Variants in GNG4 observed in about 807,000 individuals in gnomAD.
The protein encoded by GNG4 is guanine nucleotide-binding protein G(I)/G(S)/G(O) subunit gamma-4.
GNG4 carries 4 observed loss-of-function variants against 5.8 expected under a neutral mutation model. That is an observed-to-expected ratio of 0.69 (90% confidence interval 0.34 to 1.57). The LOEUF is 1.57. GNG4 is among the 40% of genes most tolerant of loss of function. GNG4 has a pLI of 0.06. For synonymous variants in GNG4, 29 were observed against 32.9 expected, an observed-to-expected ratio of 0.88 and a Z score of 0.41; for missense variants, 96 against 95.1, an observed-to-expected ratio of 1.01 and a Z score of -0.04.
At chr1:235,610,847 G>A (rs916763941) in intron 1 of GNG4, among the ~76,000 whole-genome samples, 2 of 152,198 alleles carry the variant, frequency 1.3e-5, no homozygotes, top group Non-Finnish European at 2.9e-5. Flanking sequence ...CACTTTGGGA[G>A]GCTGAGGAGG....
chr1:235,586,934 C>T (rs1363312139), intron 2 of GNG4, among the ~76,000 whole-genome samples: 1 of 152,168 alleles, frequency 6.6e-6, no homozygotes, highest in Admixed American at 6.5e-5. Flanking sequence ...GCCTTCAAAT[C>T]TTGATCCTGC....
intron 1 of GNG4, among the ~76,000 whole-genome samples, chr1:235,634,749 C>G (rs1689000032): frequency 6.6e-6 from 1 of 151,670 alleles, no homozygotes; most frequent in Non-Finnish European, 1.5e-5. Context: ...TTGAGATCAG[C>G]CTGACCAACA....
intron 1 of GNG4, among the ~76,000 whole-genome samples, chr1:235,641,543 T>C (rs1301095748): frequency 1.3e-5 from 2 of 152,068 alleles, no homozygotes; most frequent in African/African-American, 4.8e-5. Flanking sequence ...ATACAAAAAA[T>C]TAGCTGGCGT....
intron 1 of GNG4, among the ~76,000 whole-genome samples, chr1:235,602,213 A>T (rs4294401): frequency 7.9e-4 from 120 of 152,054 alleles, no homozygotes; most frequent in African/African-American, 2.9e-3. Context: ...CGGAGGTTGC[A>T]GTGAGCTGAG....
chr1:235,619,133 TA>T (rs71496930), intron 1 of GNG4, among the ~76,000 whole-genome samples: 9,578 of 48,566 alleles, frequency 0.2, 1,019 homozygotes, highest in East Asian at 0.53. Flanking sequence ...ACGCTGTCTC[TA>T]AAAAAAAAAA....
intron 2 of GNG4, among the ~76,000 whole-genome samples, chr1:235,589,305 C>T (rs1408048637): frequency 6.6e-6 from 1 of 152,146 alleles, no homozygotes; most frequent in Admixed American, 6.5e-5. Flanking sequence ...CAGCACAGTT[C>T]AGCTCGTGCC....
chr1:235,562,683 A>G (rs986011546), intron 3 of GNG4, among the ~76,000 whole-genome samples: 8 of 151,310 alleles, frequency 5.3e-5, no homozygotes, highest in African/African-American at 1.9e-4. Flanking sequence ...GAAAAAAAAA[A>G]AAGAAGAAAA....
At chr1:235,626,958 C>CAAAAAAAAAAAAAAAAAAAAAAAAAAA (rs776506587) in intron 1 of GNG4, among the ~76,000 whole-genome samples, 1 of 77,356 alleles carries the variant, frequency 1.3e-5, no homozygotes, top group Non-Finnish European at 2.5e-5. Flanking sequence ...GACTCTATCT[C>CAAAAAAAAAAAAAAAAAAAAAAAAAAA]AAAAAAAAAA....
At chr1:235,558,618 T>C (rs913292197) in intron 3 of GNG4, among the ~76,000 whole-genome samples, 1 of 152,170 alleles carries the variant, frequency 6.6e-6, no homozygotes, top group East Asian at 1.9e-4. Flanking sequence ...ACGTACCAAA[T>C]AGGGGTTGCA....
At chr1:235,569,890 C>T (rs569050334) in intron 3 of GNG4, among the ~76,000 whole-genome samples, 1 of 151,938 alleles carries the variant, frequency 6.6e-6, no homozygotes, top group Admixed American at 6.6e-5. Flanking sequence ...TCTTAATGGG[C>T]TCTTTATTAT....
intron 1 of GNG4, among the ~76,000 whole-genome samples, chr1:235,631,882 C>T (rs1303910121): frequency 6.6e-6 from 1 of 151,978 alleles, no homozygotes; most frequent in African/African-American, 2.4e-5. Context: ...TTTTCTAATT[C>T]CTATGAGTGG....
intron 1 of GNG4, among the ~76,000 whole-genome samples, chr1:235,611,885 C>T (rs572347401): frequency 2.0e-5 from 3 of 151,698 alleles, no homozygotes; most frequent in Admixed American, 6.6e-5. Flanking sequence ...CAACATAGTA[C>T]GACCTCATCT....
chr1:235,619,706 CAGT>C (rs1688668154), intron 1 of GNG4, among the ~76,000 whole-genome samples: 1 of 152,128 alleles, frequency 6.6e-6, no homozygotes, highest in Admixed American at 6.5e-5. Context: ...GTTATAAAAA[CAGT>C]TCTTCATCTT....
At chr1:235,571,862 G>C (rs1181785524) in intron 3 of GNG4, among the ~76,000 whole-genome samples, 1 of 152,112 alleles carries the variant, frequency 6.6e-6, no homozygotes, top group Non-Finnish European at 1.5e-5. Context: ...TTTTGAGACA[G>C]GGTCTCACTC....
At chr1:235,634,994 T>C (rs867205121) in intron 1 of GNG4, among the ~76,000 whole-genome samples, 1 of 152,080 alleles carries the variant, frequency 6.6e-6, no homozygotes, top group Non-Finnish European at 1.5e-5. Context: ...CAGCAGCTGA[T>C]AGAGGAAGGC....
At chr1:235,587,577 G>A (rs1211067907) in intron 2 of GNG4, among the ~76,000 whole-genome samples, 3 of 88,926 alleles carry the variant, frequency 3.4e-5, no homozygotes, top group Non-Finnish European at 5.1e-5. Context: ...AGGGTGTGGG[G>A]TGGCGGTGAG....
At chr1:235,631,278 G>A (rs1239865302) in intron 1 of GNG4, among the ~76,000 whole-genome samples, 1 of 152,026 alleles carries the variant, frequency 6.6e-6, no homozygotes, top group African/African-American at 2.4e-5. Context: ...TACCCCTCAC[G>A]CCCCCTCAGT....
chr1:235,577,403 T>G (rs1331596454), intron 3 of GNG4, among the ~76,000 whole-genome samples: 1 of 152,202 alleles, frequency 6.6e-6, no homozygotes, highest in Non-Finnish European at 1.5e-5. Context: ...AGTATGGGCC[T>G]GGCCTTTTCC....
At chr1:235,555,588 G>A (rs1485756633) in intron 3 of GNG4, among the ~76,000 whole-genome samples, 1 of 151,000 alleles carries the variant, frequency 6.6e-6, no homozygotes, top group Non-Finnish European at 1.5e-5. Flanking sequence ...CTGAGGCAGG[G>A]ACATCGCTTG....
Sources: allele counts gnomAD v4.1 joint callset (sites outside exome capture counted in the v4.1 genomes callset), GRCh38; gene constraint gnomAD v4.1.1; transcripts MANE v1.5; gene names NCBI Gene and HGNC (gene_info 2026-07-23, HGNC 2026-07-21).